PRMT7: variants seen among roughly 807,000 people sequenced by gnomAD.
The protein encoded by PRMT7 is protein arginine N-methyltransferase 7.
PRMT7 carries 75 observed loss-of-function variants against 85.4 expected under a neutral mutation model. That is an observed-to-expected ratio of 0.88 (90% CI 0.73 to 1.06). PRMT7 has a LOEUF of 1.06. Among genes scored for constraint, PRMT7 ranks in the 50% least tolerant of loss-of-function variants. PRMT7 has a pLI of 0.00. For synonymous variants in PRMT7, 397 were observed against 359.5 expected (o/e 1.10, Z -1.18); for missense variants, 868 against 915.2 (o/e 0.95, Z 0.67).
At chr16:68,336,328 C>G (rs1353153596) in intron 6 of PRMT7, among the ~76,000 whole-genome samples, 1 of 152,208 alleles carries the variant, frequency 6.6e-6, no homozygotes, top group Non-Finnish European at 1.5e-5. Flanking sequence ...CCTCCCAAAT[C>G]CTACTCTTCT....
chr16:68,325,805 CAAA>C lies in PRMT7; in HGVS notation c.282+978_282+980del, dbSNP rs1303844312. Among the ~76,000 whole-genome samples, 4 of 152,096 alleles carry C rather than the reference CAAA, an allele frequency of 2.6e-5. No individual in the cohort carries two copies. In the South Asian group the frequency reaches 8.3e-4, roughly 32 times the overall value. ...GACTCCATCTCAAAACAAAACAAAA[CAAA>C]AAAACCTTATGCCTAGTCCCCAGCC... On this transcript the variant is annotated intron_variant, in intron 5 of 18. Transcript: ENST00000441236.
chr16:68,356,652 C>G (rs368063212), intron 17 of PRMT7, 49 bp from the exon 18 acceptor site: 2 of 1,435,046 alleles, frequency 1.4e-6, no homozygotes, highest in East Asian at 2.4e-5. Context: ...GCTGTTCCCC[C>G]GCTGCCTCTT....
At chr16:68,345,578 G>T (rs908168872) in intron 9 of PRMT7, 97 bp from the exon 10 acceptor site, 14 of 1,536,028 alleles carry the variant, frequency 9.1e-6, no homozygotes, top group Non-Finnish European at 1.2e-5. Flanking sequence ...CATTGTGGAC[G>T]TCCTGAAAAC....
chr16:68,321,363 A>G (rs1423328899), intron 3 of PRMT7, 63 bp from the exon 4 acceptor site: 1 of 1,313,658 alleles, frequency 7.6e-7, no homozygotes, highest in Non-Finnish European at 1.1e-6. Flanking sequence ...GTGTTTATAT[A>G]TGTGAATACT....
At chr16:68,326,133 G>C (rs1207412463) in intron 5 of PRMT7, among the ~76,000 whole-genome samples, 1 of 152,150 alleles carries the variant, frequency 6.6e-6, no homozygotes, top group Non-Finnish European at 1.5e-5. Flanking sequence ...CCAAAGTTAA[G>C]TACTGTTAAC....
intron 6 of PRMT7, among the ~76,000 whole-genome samples, chr16:68,335,246 CTG>C (rs144594271): frequency 0.023 from 3,463 of 152,280 alleles, 156 homozygotes; most frequent in African/African-American, 0.078. Flanking sequence ...TGTGTGTTGA[CTG>C]TTACGGGGCA....
At chr16:68,352,039 A>G (rs2087457031) in intron 14 of PRMT7, 1 of 553,836 alleles carries the variant, frequency 1.8e-6, no homozygotes, top group Non-Finnish European at 3.2e-6. Flanking sequence ...GGTACAGAGC[A>G]CCTTGCTGCC....
Position 68,324,755 on chromosome 16 carries a change from C to G in PRMT7, c.205C>G (p.Leu69Val), listed in dbSNP as rs1400645701. 1 of 1,613,848 alleles carries G rather than the reference C, an allele frequency of 6.2e-7. No homozygotes were observed. Among genetic ancestry groups the G allele is most frequent in the Non-Finnish European group, 8.5e-7 (1 of 1,179,978 alleles). ...GGACAGAGGACAGAAGGCCTTGGTT[C>G]TCGACATTGGCACTGGCACGGGACT... ...VKDRGQKALV[L>V]DIGTGTGLLS... The change falls in exon 5 of 19, where the codon CTC becomes GTC. Residue 69 changes from leucine (L) to valine (V), a missense_variant. Coordinates refer to ENST00000441236, the MANE Select transcript of PRMT7 (RefSeq NM_019023.5).
At chr16:68,338,238 A>G (rs1317952869) in intron 7 of PRMT7, among the ~76,000 whole-genome samples, 1 of 152,104 alleles carries the variant, frequency 6.6e-6, no homozygotes, top group Non-Finnish European at 1.5e-5. Flanking sequence ...GGCCTCAGCT[A>G]AGGCTGTAGA....
intron 6 of PRMT7, among the ~76,000 whole-genome samples, chr16:68,333,542 T>C (rs2084221861): frequency 6.6e-6 from 1 of 151,902 alleles, no homozygotes; most frequent in South Asian, 2.1e-4. Context: ...AGGCTGGTCT[T>C]GAACGCCAGG....
At position 68,345,759 on chromosome 16, in the gene PRMT7, C is replaced by T. The variant is rs2151821762; in HGVS notation, c.1012C>T (p.His338Tyr). 6.2e-7 allele frequency: 1 copy of T among 1,614,146 alleles called. No individual in the cohort carries two copies. Among genetic ancestry groups the T allele is most frequent in the African/African-American group, 1.3e-5 (1 of 75,040 alleles). ...VQGSALYLVA[H>Y]HDDYCVWYSL... ...GGGCTCAGCGCTCTATCTGGTAGCCCACCACGATGACTACTGCGTATGGTA... is the reference window on the plus strand; with the variant it reads ...GGGCTCAGCGCTCTATCTGGTAGCCTACCACGATGACTACTGCGTATGGTA... The change falls in exon 10 of 19, where the codon CAC becomes TAC. Residue 338 changes from histidine to tyrosine, a missense_variant. By Grantham distance (83) the His-to-Tyr change is moderately conservative. Coordinates refer to ENST00000441236, the MANE Select transcript of PRMT7 (RefSeq NM_019023.5).
chr16:68,332,726 G>A lies in PRMT7; in HGVS notation c.391+3552G>A, dbSNP rs57552441. Among the ~76,000 whole-genome samples the A allele has an allele frequency of 3.4e-3, 514 of 152,150 alleles. 4 individuals carry two copies. Among genetic ancestry groups the A allele is most frequent in the African/African-American group, 0.012 (506 of 41,502 alleles). ...CAGCTGCTTCCACTTCCCTGAACTC[G>A]TTTCCTGTCTGTTTAACTCAGCAAG... On this transcript the variant is annotated intron_variant, in intron 6 of 18. Transcript: ENST00000441236.
chr16:68,322,899 C>T (rs973130822), intron 4 of PRMT7, among the ~76,000 whole-genome samples: 3 of 151,768 alleles, frequency 2.0e-5, no homozygotes, highest in African/African-American at 4.8e-5. Flanking sequence ...AGCGTGGTGG[C>T]GGGCAGGGCC....
At chr16:68,315,746 C>T (rs1425264763) in intron 2 of PRMT7, 151 bp from the exon 3 acceptor site, 9 of 518,818 alleles carry the variant, frequency 1.7e-5, no homozygotes, top group Non-Finnish European at 3.1e-5. Context: ...CAAATACTAT[C>T]AGTGGCTTTG....
At chr16:68,340,665 T>G (rs2085386060) in intron 9 of PRMT7, among the ~76,000 whole-genome samples, 1 of 152,102 alleles carries the variant, frequency 6.6e-6, no homozygotes, top group Middle Eastern at 3.4e-3. Flanking sequence ...TTAAACAGTT[T>G]GCAAGCACAC....
Position 68,315,885 on chromosome 16 carries a change from T to C in PRMT7, c.-83-12T>C. 1.0e-6 allele frequency: 1 copy of C among 1,002,174 alleles called. No homozygotes were observed. Among genetic ancestry groups the C allele is most frequent in the East Asian group, 2.4e-5 (1 of 41,318 alleles). 62.1% of individuals were successfully genotyped at this position (1,002,174 alleles called of 1,614,324 possible). A position where few individuals can be genotyped will look rare whatever the true frequency, so the allele number is the denominator to read the frequency against. ...TGTTTATATACCTCCTGTTTCCTTCTGATGTTAATAGATTTCTGACAGTCA... is the reference window on the plus strand; with the variant it reads ...TGTTTATATACCTCCTGTTTCCTTCCGATGTTAATAGATTTCTGACAGTCA... On this transcript the variant is annotated splice_polypyrimidine_tract_variant and intron_variant, in intron 2 of 18. Coordinates refer to ENST00000441236, the MANE Select transcript of PRMT7 (RefSeq NM_019023.5).
chr16:68,345,985 G>C, intron 10 of PRMT7, 160 bp from the exon 11 acceptor site: 1 of 1,329,342 alleles, frequency 7.5e-7, no homozygotes, highest in South Asian at 1.4e-5. Context: ...GCTGTCATGG[G>C]TTGCTGGAAT....
At position 68,313,634 on chromosome 16, in the gene PRMT7, G is replaced by A. The variant is rs561111165; in HGVS notation, c.-84+1458G>A. Among the ~76,000 whole-genome samples the A allele has an allele frequency of 6.6e-5, 10 of 152,302 alleles. No homozygotes were observed. In the South Asian group the frequency reaches 1.7e-3, roughly 25 times the overall value. ...TCTTTCTCTACTCCAACATTTGTTG[G>A]ACACAGTTTTCTAATGCACATTACA... On this transcript the variant is annotated intron_variant, in intron 2 of 18. Transcript: ENST00000441236.
intron 18 of PRMT7, 85 bp downstream of exon 18, chr16:68,356,882 G>T (rs2088644601): frequency 2.1e-6 from 3 of 1,423,038 alleles, no homozygotes; most frequent in East Asian, 4.9e-5. Flanking sequence ...CCCATGCTCT[G>T]GGTGTTTCTG....
Sources: gnomAD v4.1 joint callset for allele counts (sites outside exome capture counted in the v4.1 genomes callset) on GRCh38, gnomAD v4.1.1 for gene constraint, MANE v1.5 for transcripts, NCBI Gene and HGNC (gene_info 2026-07-23, HGNC 2026-07-21) for gene names.